The following FBXL3 variants were observed in gnomAD, a reference collection of about 807,000 sequenced individuals.
FBXL3 encodes F-box/LRR-repeat protein 3.
Under a neutral mutation model 37.9 loss-of-function variants are expected in FBXL3, and 14 were observed. The observed-to-expected ratio is 0.37, with a 90% CI of 0.24 to 0.58. The LOEUF is 0.58. FBXL3 is among the 20% of genes least tolerant of loss of function. The pLI is 0.74. For synonymous variants in FBXL3, 194 were observed against 180.1 expected, an observed-to-expected ratio of 1.08 and a Z score of -0.62; for missense variants, 327 against 511.1, an observed-to-expected ratio of 0.64 and a Z score of 3.47.
At chr13:77,010,256 A>G (rs754648842) in intron 4 of FBXL3, 2 of 151,478 alleles carry the variant, frequency 1.3e-5, no homozygotes, top group Non-Finnish European at 2.9e-5. Flanking sequence ...GTATAATAAT[A>G]ATTAAAAAAA....
intron 4 of FBXL3, chr13:77,013,658 C>T (rs1300325894): frequency 6.6e-6 from 1 of 152,190 alleles, no homozygotes; most frequent in Non-Finnish European, 1.5e-5. Context: ...AAGCCCCTAC[C>T]TGCCAAATTA....
At chr13:77,026,437 G>T in intron 1 of FBXL3, 1 of 921,286 alleles carries the variant, frequency 1.1e-6, no homozygotes, top group Non-Finnish European at 1.3e-6. Context: ...CTACCAGCAC[G>T]GGCGTAGCCG....
rs1348284684 is a variant in FBXL3, at chr13:77,007,495, G to A, written c.937C>T (p.Leu313=). 6.2e-7 allele frequency: 1 copy of A among 1,614,110 alleles called. No individual in the cohort carries two copies. The highest frequency in any genetic ancestry group is 1.1e-5 in the South Asian group (1 of 91,078). ...TTGCTTACTGATCTCCCAAAGTACA[G>A]ATGGGTGGCAGGTATTTCATAGCGA... is the stretch of plus-strand genomic sequence containing the variant. ...FFRYEIPATH[L]YFGRSVSKDV... The change falls in exon 5 of 5, where the codon CTG becomes TTG. Residue 313 remains leucine, a synonymous_variant. Coordinates refer to ENST00000355619, the MANE Select transcript of FBXL3 (RefSeq NM_012158.4).
chr13:77,024,091 G>C (rs780802990), intron 1 of FBXL3, among the ~76,000 whole-genome samples: 2 of 152,208 alleles, frequency 1.3e-5, no homozygotes, highest in Non-Finnish European at 2.9e-5. Flanking sequence ...TCTGATGGAA[G>C]ACTGGAAATT....
chr13:77,023,345 A>AGAGAGAGAGAGAGAGTGTGT, intron 1 of FBXL3, among the ~76,000 whole-genome samples: 1 of 147,600 alleles, frequency 6.8e-6, no homozygotes, highest in East Asian at 2.0e-4. Flanking sequence ...AGAGAGAGAG[A>AGAGAGAGAGAGAGAGTGTGT]GTGTGTGTGT....
chr13:77,018,641 G>A lies in FBXL3; in HGVS notation c.430C>T (p.Leu144Phe). The change falls in exon 3 of 5, where the codon CTT becomes TTT. Residue 144 changes from leucine to phenylalanine, a missense_variant. Coordinates refer to ENST00000355619, the MANE Select transcript of FBXL3 (RefSeq NM_012158.4). ...AAGCTTGGTCGAGCAGTTGAAATAA[G>A]TCCAAGTGTTTTTAAAGAGCAATTC... ...LVNCSLKTLG[L>F]ISTARPSFMD... 1 of 1,598,006 alleles carries A rather than the reference G, an allele frequency of 6.3e-7. No individual in the cohort carries two copies. The highest frequency in any genetic ancestry group is 8.5e-7 in the Non-Finnish European group (1 of 1,173,218).
intron 3 of FBXL3, 38 bp from the exon 4 acceptor site, chr13:77,015,618 T>C: frequency 2.2e-6 from 3 of 1,360,056 alleles, no homozygotes; most frequent in Non-Finnish European, 2.9e-6. Flanking sequence ...ATTATTTCAA[T>C]TTTTAGAAAT....
chr13:77,026,364 ACATTTCT>A, intron 1 of FBXL3: 1 of 985,180 alleles, frequency 1.0e-6, no homozygotes, highest in Non-Finnish European at 1.2e-6. Context: ...GCTTCCCCTG[ACATTTCT>A]CATGCGCCCC....
In FBXL3 at chr13:77,007,074, G is replaced by A. The variant is rs1159757732; in HGVS notation, c.*71C>T. ...GCCACAAAATAGTAGAATTATATCA[G>A]AACTACAGCAAATAAAACTTTAATT... On this transcript the variant is annotated 3_prime_UTR_variant, in exon 5 of 5. Transcript: ENST00000355619. 2.7e-6 allele frequency: 4 copies of A among 1,507,408 alleles called. No individual in the cohort carries two copies. In the African/African-American group the frequency reaches 4.2e-5, roughly 16 times the overall value. 93.4% of individuals were successfully genotyped at this position (1,507,408 alleles called of 1,614,324 possible).
intron 1 of FBXL3, among the ~76,000 whole-genome samples, chr13:77,022,610 A>C (rs889530782): frequency 6.6e-6 from 1 of 152,178 alleles, no homozygotes; most frequent in Non-Finnish European, 1.5e-5. Context: ...ACTGCCAGAC[A>C]TTTCTTAACT....
intron 1 of FBXL3, 79 bp downstream of exon 1, chr13:77,026,743 ACCCCG>A (rs2034849493): frequency 1.4e-4 from 1 of 7,198 alleles, no homozygotes; most frequent in Admixed American, 9.8e-4. Context: ...ACCCCACCCC[ACCCCG>A]GCCCGCCCAC....
chr13:77,008,952 A>G (rs761592805), intron 4 of FBXL3: 1 of 152,248 alleles, frequency 6.6e-6, no homozygotes, highest in African/African-American at 2.4e-5. Flanking sequence ...GATAGGAACA[A>G]GAAAACATAC....
At chr13:77,020,449 G>T (rs768580854) in intron 2 of FBXL3, among the ~76,000 whole-genome samples, 2 of 152,042 alleles carry the variant, frequency 1.3e-5, no homozygotes, top group African/African-American at 4.8e-5. Context: ...AGAATAAGCA[G>T]GTAATCTCCA....
rs538546816 is a variant in FBXL3 at position 77,005,648 on chromosome 13, A to T, written c.*1497T>A. 5.3e-5 allele frequency: 8 copies of T among 152,280 alleles called. No homozygotes were observed. Among genetic ancestry groups the T allele is most frequent in the African/African-American group, 1.9e-4 (8 of 41,578 alleles). 9.4% of individuals were successfully genotyped at this position (152,280 alleles called of 1,614,324 possible). On this transcript the variant is annotated 3_prime_UTR_variant, in exon 5 of 5. Transcript: ENST00000355619. ...ATATCATCACTTTTGGAAAGCAAAAATTATGTAGAAAATCACCTTTTGCTT... is the reference window on the plus strand; with the variant it reads ...ATATCATCACTTTTGGAAAGCAAAATTTATGTAGAAAATCACCTTTTGCTT...
intron 4 of FBXL3, chr13:77,010,638 T>TA (rs2034532895): frequency 6.6e-6 from 1 of 152,170 alleles, no homozygotes; most frequent in Admixed American, 6.6e-5. Context: ...AACCAGCCTC[T>TA]AAGAGCAGAA....
chr13:77,023,140 C>T (rs1179515235), intron 1 of FBXL3, among the ~76,000 whole-genome samples: 1 of 140,936 alleles, frequency 7.1e-6, no homozygotes, highest in African/African-American at 2.5e-5. Flanking sequence ...TCATTCATTC[C>T]GTTCACTCAT....
intron 3 of FBXL3, 46 bp downstream of exon 3, chr13:77,018,554 C>A: frequency 6.9e-7 from 1 of 1,441,064 alleles, no homozygotes; most frequent in East Asian, 2.5e-5. Context: ...ATTAGACTTT[C>A]ACTGAATTTC....
In FBXL3 at chr13:77,007,722, C is replaced by G. The variant is rs565151928; in HGVS notation, c.710G>C (p.Ser237Thr). The change falls in exon 5 of 5, where the codon AGT becomes ACT. Residue 237 changes from serine (S) to threonine (T), a missense_variant. Physicochemically the swap from Ser to Thr is moderately conservative, Grantham distance 58. Transcript: ENST00000355619. The stretch of plus-strand genomic sequence containing the variant: ...AGACAATGCAAGTAACAACTCATCA[C>G]TCAATAAGTGGTAGTTCAGGGCTAG... ...RELALNYHLL[S>T]DELLLALSSE... The G allele has an allele frequency of 6.2e-7, 1 of 1,613,980 alleles. No homozygotes were observed. Among genetic ancestry groups the G allele is most frequent in the South Asian group, 1.1e-5 (1 of 91,080 alleles).
At position 77,005,972 on chromosome 13, in the gene FBXL3, T is replaced by C. The variant is rs999097444; in HGVS notation, c.*1173A>G. The C allele has an allele frequency of 6.6e-6, 1 of 152,526 alleles. No homozygotes were observed. The highest frequency in any genetic ancestry group is 2.4e-5 in the African/African-American group (1 of 41,454). 9.4% of individuals were successfully genotyped at this position (152,526 alleles called of 1,614,324 possible). A position where few individuals can be genotyped will look rare whatever the true frequency, so the allele number is the denominator to read the frequency against. On this transcript the variant is annotated 3_prime_UTR_variant, in exon 5 of 5. Transcript: ENST00000355619. The stretch of plus-strand genomic sequence containing the variant: ...AAAATGTTACCTAACTTAAATAATA[T>C]AAAATATCGGTTTAACCAAATTAAC...
Sources: allele counts gnomAD v4.1 joint callset (sites outside exome capture counted in the v4.1 genomes callset), GRCh38; gene constraint gnomAD v4.1.1; transcripts MANE v1.5; gene names NCBI Gene and HGNC (gene_info 2026-07-23, HGNC 2026-07-21).